CEP170B: variants seen among roughly 807,000 people sequenced by gnomAD.
The protein encoded by CEP170B is centrosomal protein of 170 kDa protein B.
CEP170B carries 55 observed loss-of-function variants against 120.6 expected under a neutral mutation model. The ratio of observed to expected loss-of-function variants is 0.46; its 90% CI spans 0.37 to 0.57. CEP170B has a LOEUF of 0.57. Among genes scored for constraint, CEP170B ranks in the 20% least tolerant of loss-of-function variants. The probability of loss-of-function intolerance (pLI) is 0.00; values close to 1 mark genes in which losing one functional copy is unlikely to be tolerated. For synonymous variants in CEP170B, 1,033 were observed against 954.5 expected, an observed-to-expected ratio of 1.08 and a Z score of -1.52; for missense variants, 2,212 against 2,253.3, an observed-to-expected ratio of 0.98 and a Z score of 0.37.
chr14:104,869,988 G>A (rs1022253907), intron 2 of CEP170B, among the ~76,000 whole-genome samples: 5 of 152,310 alleles, frequency 3.3e-5, no homozygotes, highest in Non-Finnish European at 7.3e-5. Context: ...CTTGTGGTTG[G>A]TTGTTCCGGC....
At position 104,871,043 on chromosome 14, in the gene CEP170B, GC is replaced by G. The variant is rs753805280; in HGVS notation, c.105+2493del. Among the ~76,000 whole-genome samples the G allele has an allele frequency of 5.2e-5, 7 of 133,998 alleles. No individual in the cohort carries two copies. In the South Asian group the frequency reaches 9.3e-4, roughly 18 times the overall value. The allele number at this position is 133,998 out of a possible 152,430, so 87.9% of individuals were successfully genotyped here. ...TGTCCAGCCCCTTGGCCCCTCTGTTGCCCCCACCTGAGGATGTTTGCACCTG... is the reference window on the plus strand; with the variant it reads ...TGTCCAGCCCCTTGGCCCCTCTGTTGCCCCACCTGAGGATGTTTGCACCTG... On this transcript the variant is annotated intron_variant, in intron 2 of 18. Coordinates refer to ENST00000414716, the MANE Select transcript of CEP170B (RefSeq NM_001112726.3).
At position 104,891,152 on chromosome 14, in the gene CEP170B, G is replaced by A. The variant is rs1308305756; in HGVS notation, c.3878+1394G>A. 1.3e-5 allele frequency among the ~76,000 whole-genome samples: 2 copies of A among 152,088 alleles called. No homozygotes were observed. Among genetic ancestry groups the A allele is most frequent in the Non-Finnish European group, 2.9e-5 (2 of 67,988 alleles). ...CAGGAGGTGAGACCGCCAGTACAAG[G>A]AGGGCCTCCTCAAAGGTTTTCATTA... is the stretch of plus-strand genomic sequence containing the variant. On this transcript the variant is annotated intron_variant, in intron 13 of 18. Transcript: ENST00000414716. This position sits in a 1 kb window ranked among gnomAD's most constrained non-coding sequence, Gnocchi z 4.3.
Position 104,886,497 on chromosome 14 carries a change from C to G in CEP170B, c.2258C>G (p.Ser753Trp), listed in dbSNP as rs1327590735. ...GACAGCCTCAGCGATGCCAGTGGGT[C>G]GGACGGGGGCCGAGGCCCCGAGCCA... ...DPDSLSDASG[S>W]DGGRGPEPGV... The change falls in exon 12 of 19, where the codon TCG becomes TGG. Residue 753 changes from serine to tryptophan, a missense_variant. This residue lies in a region of CEP170B where 2,166 missense variants were observed against 2,166.7 expected (regional missense o/e 1.00). Transcript: ENST00000414716. 6.6e-7 allele frequency: 1 copy of G among 1,511,476 alleles called. No homozygotes were observed. Among genetic ancestry groups the G allele is most frequent in the East Asian group, 2.4e-5 (1 of 41,770 alleles). The allele number at this position is 1,511,476 out of a possible 1,614,324, so 93.6% of individuals were successfully genotyped here. A position where few individuals can be genotyped will look rare whatever the true frequency, so the allele number is the denominator to read the frequency against.
At position 104,887,091 on chromosome 14, in the gene CEP170B, C is replaced by G. The variant is rs1027645163; in HGVS notation, c.2852C>G (p.Ser951Cys). ...CCGAGGCCGCCGGAGGACGCCCTGT[C>G]TGGGGACTCGGACGTGGACACAGCC... ...STPRPPEDAL[S>C]GDSDVDTAST... Residue 951 changes from serine to cysteine, a missense_variant, in exon 12 of 19, where the codon TCT becomes TGT. Around this residue, in one of 2 missense-constraint regions of CEP170B, gnomAD observed 2,166 missense variants for 2,166.7 expected, o/e 1.00. Coordinates refer to ENST00000414716, the MANE Select transcript of CEP170B (RefSeq NM_001112726.3). The G allele has an allele frequency of 1.2e-6, 2 of 1,611,300 alleles. No homozygotes were observed. Among genetic ancestry groups the G allele is most frequent in the African/African-American group, 1.3e-5 (1 of 74,932 alleles).
At position 104,880,274 on chromosome 14, in the gene CEP170B, G is replaced by T. The variant is rs1187394096; in HGVS notation, c.334-13G>T. 1.3e-6 allele frequency: 2 copies of T among 1,583,716 alleles called. No homozygotes were observed. Among genetic ancestry groups the T allele is most frequent in the East Asian group, 2.3e-5 (1 of 43,358 alleles). The stretch of plus-strand genomic sequence containing the variant: ...CTGGGCCCAGTACCTCACCCCGCCT[G>T]GCCTGCCCACAGCATGAAAAGTACA... On this transcript the variant is annotated splice_polypyrimidine_tract_variant and intron_variant, in intron 5 of 18. Transcript: ENST00000414716.
At chr14:104,869,406 C>T (rs1178860950) in intron 2 of CEP170B, among the ~76,000 whole-genome samples, 4 of 152,194 alleles carry the variant, frequency 2.6e-5, no homozygotes, top group South Asian at 4.1e-4. Context: ...GTGCTACTGC[C>T]GCACATGCCC....
rs1171439743 is a variant in CEP170B at position 104,872,361 on chromosome 14, G to A, written c.105+3806G>A. On this transcript the variant is annotated intron_variant, in intron 2 of 18. Transcript: ENST00000414716. ...GTGCGTGTGTGTGCGTGTGTGTGCC[G>A]CGTGTGTGTGCCATGGGTGTGCATG... Among the ~76,000 whole-genome samples, 18 of 52,786 alleles carry A rather than the reference G, an allele frequency of 3.4e-4. 2 individuals are homozygous for A. The highest frequency in any genetic ancestry group is 9.1e-4 in the Admixed American group (4 of 4,400). The allele number at this position is 52,786 out of a possible 152,430, so 34.6% of individuals were successfully genotyped here. A position where few individuals can be genotyped will look rare whatever the true frequency, so the allele number is the denominator to read the frequency against.
chr14:104,885,404 G>A lies in CEP170B; in HGVS notation c.1806G>A (p.Arg602=), dbSNP rs1358218682. Residue 602 remains arginine (R), a synonymous_variant, in exon 10 of 19, where the codon AGG becomes AGA. Coordinates refer to ENST00000414716, the MANE Select transcript of CEP170B (RefSeq NM_001112726.3). ...TGTTGGAGTCCCCTGAACTCTCCAG[G>A]GCATCTTCGGCCACCTTTCGCCCAG... ...FGVLESPELS[R]ASSATFRPVI... is the part of the protein sequence containing the mutation. The A allele has an allele frequency of 7.0e-6, 11 of 1,569,722 alleles. No homozygotes were observed. Among genetic ancestry groups the A allele is most frequent in the Non-Finnish European group, 8.6e-6 (10 of 1,157,894 alleles).
intron 17 of CEP170B, 56 bp from the exon 18 acceptor site, chr14:104,894,481 G>GC: frequency 6.2e-7 from 1 of 1,601,442 alleles, no homozygotes; most frequent in South Asian, 1.1e-5. Context: ...GAGCCCCGGG[G>GC]CAGGGCTGCA....
intron 3 of CEP170B, 22 bp downstream of exon 3, chr14:104,876,367 C>T (rs1203572039): frequency 1.3e-6 from 2 of 1,549,516 alleles, no homozygotes; most frequent in African/African-American, 1.4e-5. Flanking sequence ...AGGCCCTGGC[C>T]TGGCCTTTTA....
At chr14:104,864,716 A>C (rs1217030084), upstream of CEP170B, among the ~76,000 whole-genome samples, 1 of 151,736 alleles carries the variant, frequency 6.6e-6, no homozygotes, top group African/African-American at 2.4e-5. The surrounding 1 kb of genome is among the most constrained non-coding windows in gnomAD (Gnocchi z 5.9). Flanking sequence ...TGTCGGACAT[A>C]CGCCCAGTCT....
upstream of CEP170B, among the ~76,000 whole-genome samples, chr14:104,864,832 G>C (rs1303262947): frequency 6.6e-6 from 1 of 152,180 alleles, no homozygotes; most frequent in East Asian, 1.9e-4. This position sits in a 1 kb window ranked among gnomAD's most constrained non-coding sequence, Gnocchi z 5.9. Flanking sequence ...TTGGGGACTC[G>C]AGGCGCGGCT....
chr14:104,896,494 G>A lies in CEP170B; in HGVS notation c.*1536G>A, dbSNP rs1263805393. 9.0e-6 allele frequency: 4 copies of A among 442,166 alleles called. No homozygotes were observed. The highest frequency in any genetic ancestry group is 1.6e-5 in the South Asian group (1 of 64,060). The allele number at this position is 442,166 out of a possible 1,614,324, so 27.4% of individuals were successfully genotyped here. ...CATGAAGTGGTCACGCTTCATCCACGGCTCCTTCCCACCCCTCGGCAGTGG... is the reference window on the plus strand; with the variant it reads ...CATGAAGTGGTCACGCTTCATCCACAGCTCCTTCCCACCCCTCGGCAGTGG... On this transcript the variant is annotated 3_prime_UTR_variant, in exon 19 of 19. Transcript: ENST00000414716.
chr14:104,885,290 G>T, intron 9 of CEP170B, 79 bp from the exon 10 acceptor site: 1 of 1,429,790 alleles, frequency 7.0e-7, no homozygotes, highest in East Asian at 2.6e-5. Flanking sequence ...CCTGTGGCCT[G>T]GGGGTGGCCA....
rs980969282 is a variant in CEP170B, at chr14:104,896,364, C to G, written c.*1406C>G. The G allele has an allele frequency of 1.8e-5, 6 of 340,510 alleles. No individual in the cohort carries two copies. The highest frequency in any genetic ancestry group is 3.5e-5 in the Non-Finnish European group (6 of 170,540). The allele number at this position is 340,510 out of a possible 1,614,324, so 21.1% of individuals were successfully genotyped here. A position where few individuals can be genotyped will look rare whatever the true frequency, so the allele number is the denominator to read the frequency against. Reference sequence around the variant, plus strand: ...GGGTGGCAGGTGTCCCCCCCTGGTCCCCGCCCCAAGAGCCTGCTGTCTGTA... The same window carrying G: ...GGGTGGCAGGTGTCCCCCCCTGGTCGCCGCCCCAAGAGCCTGCTGTCTGTA... On this transcript the variant is annotated 3_prime_UTR_variant, in exon 19 of 19. Coordinates refer to ENST00000414716, the MANE Select transcript of CEP170B (RefSeq NM_001112726.3).
intron 14 of CEP170B, 43 bp downstream of exon 14, chr14:104,893,178 TCGAGGAGG>T: frequency 6.3e-7 from 1 of 1,580,556 alleles, no homozygotes; most frequent in Non-Finnish European, 8.6e-7. Flanking sequence ...AGAGCCACCC[TCGAGGAGG>T]GTCAGGCCAG....
Position 104,884,257 on chromosome 14 carries a change from TG to T in CEP170B, c.1482del (p.Arg495AlafsTer36). 1.3e-6 allele frequency: 2 copies of T among 1,543,224 alleles called. No individual in the cohort carries two copies. The highest frequency in any genetic ancestry group is 2.0e-5 in the Admixed American group (1 of 50,936). ...SRTPARPFGSVGRRSRLAQDF... is the reference protein window; with the variant it reads ...SRTPARPFGSXGRRSRLAQDF... ...ACCCCTGCCCGCCCCTTCGGAAGCG[TG>T]GGGCGCCGCTCCCGCCTGGCCCAGG... On this transcript the variant is annotated frameshift_variant, in exon 9 of 19. Transcript: ENST00000414716. LOFTEE classifies it high-confidence loss of function.
chr14:104,880,435 G>C lies in CEP170B; in HGVS notation c.472+10G>C, dbSNP rs1436034132. On this transcript the variant is annotated intron_variant, in intron 6 of 18. Coordinates refer to ENST00000414716, the MANE Select transcript of CEP170B (RefSeq NM_001112726.3). The stretch of plus-strand genomic sequence containing the variant: ...CGGAGACCAGGAACAGGTAGGCCCA[G>C]GCAGTGCGGATGGGGTGAGCACACA... 4 of 1,610,720 alleles carry C rather than the reference G, an allele frequency of 2.5e-6. No individual in the cohort carries two copies. In the Admixed American group the frequency reaches 6.7e-5, roughly 27 times the overall value.
Position 104,893,655 on chromosome 14 carries a change from A to G in CEP170B, c.4171A>G (p.Asn1391Asp). The G allele has an allele frequency of 6.3e-7, 1 of 1,587,846 alleles. No homozygotes were observed. The highest frequency in any genetic ancestry group is 8.6e-7 in the Non-Finnish European group (1 of 1,168,268). The part of the protein sequence containing the change: ...DALANKTRPR[N>D]REEVIFDNLM... ...CCTGGCCAACAAGACGCGGCCTCGG[A>G]ACCGAGAGGAGGCACGGTGCCCACT... Residue 1391 changes from asparagine (N) to aspartate (D), a missense_variant, in exon 15 of 19, where the codon AAC becomes GAC. This residue lies in a region of CEP170B where 2,166 missense variants were observed against 2,166.7 expected (regional missense o/e 1.00). Coordinates refer to ENST00000414716, the MANE Select transcript of CEP170B (RefSeq NM_001112726.3).
Sources: gnomAD v4.1 joint callset for allele counts (sites outside exome capture counted in the v4.1 genomes callset) on GRCh38, gnomAD v4.1.1 for gene constraint, gnomAD v4.1.1 regional missense constraint, Gnocchi (gnomAD v3.1) non-coding constraint, MANE v1.5 for transcripts, NCBI Gene and HGNC (gene_info 2026-07-23, HGNC 2026-07-21) for gene names.